TNS1: variants seen among roughly 807,000 people sequenced by gnomAD.
TNS1 encodes tensin 1.
A neutral mutation model predicts 168.6 loss-of-function variants in TNS1; 62 were observed. That is an observed-to-expected ratio of 0.37 (90% CI 0.30 to 0.45). TNS1 has a LOEUF of 0.45. Ranked by LOEUF, TNS1 falls within the 20% of genes least tolerant of loss-of-function variation. The pLI is 1.00. For synonymous variants in TNS1, 934 were observed against 933.2 expected, an observed-to-expected ratio of 1.00 and a Z score of -0.02; for missense variants, 2,240 against 2,339.4, an observed-to-expected ratio of 0.96 and a Z score of 0.88.
intron 1 of TNS1, among the ~76,000 whole-genome samples, chr2:218,029,607 T>C (rs887478385): frequency 3.3e-5 from 5 of 152,228 alleles, no homozygotes; most frequent in Admixed American, 3.3e-4. Flanking sequence ...CACCCAGGAA[T>C]ATAGATAAAG....
chr2:217,846,876 G>A (rs748341058), intron 19 of TNS1, among the ~76,000 whole-genome samples: 1 of 152,218 alleles, frequency 6.6e-6, no homozygotes, highest in South Asian at 2.1e-4. Flanking sequence ...AAGACTAACA[G>A]GAAAACTGAC....
chr2:217,813,855 ACCT>A lies in TNS1; in HGVS notation c.4730-42_4730-40del. On this transcript the variant is annotated intron_variant, in intron 25 of 32. Coordinates refer to ENST00000682258, the MANE Select transcript of TNS1 (RefSeq NM_001387777.1). This position sits in a 1 kb window ranked among gnomAD's most constrained non-coding sequence, Gnocchi z 4.0. ...GGACAAGGAGAGAGGAGGAAGCAAG[ACCT>A]CGGTGGCGCTAGTTTTACTTAAGTC... 6.5e-7 allele frequency: 1 copy of A among 1,542,198 alleles called. No homozygotes were observed. Among genetic ancestry groups the A allele is most frequent in the South Asian group, 1.2e-5 (1 of 82,322 alleles).
At chr2:217,808,517 A>G (rs1013647446) in intron 31 of TNS1, 86 bp downstream of exon 31, 16 of 1,276,668 alleles carry the variant, frequency 1.3e-5, no homozygotes, top group African/African-American at 5.9e-5. Flanking sequence ...GCACACACAC[A>G]CACACACACA....
chr2:217,809,399 G>A (rs1419568548), intron 30 of TNS1, among the ~76,000 whole-genome samples: 159 of 134,194 alleles, frequency 1.2e-3, no homozygotes, highest in Non-Finnish European at 1.5e-3. Flanking sequence ...ATGGATGGAT[G>A]GATGGATGGA....
intron 3 of TNS1, among the ~76,000 whole-genome samples, chr2:217,976,503 A>G (rs1040500999): frequency 6.6e-6 from 1 of 152,212 alleles, no homozygotes; most frequent in Non-Finnish European, 1.5e-5. Flanking sequence ...AAACTCCTAT[A>G]CAAAGCCCAT....
chr2:217,981,507 G>A (rs1451072272), intron 2 of TNS1, among the ~76,000 whole-genome samples: 1 of 152,224 alleles, frequency 6.6e-6, no homozygotes, highest in Non-Finnish European at 1.5e-5. Context: ...ACACTGGAAT[G>A]CAGAAAGCTT....
At chr2:217,966,341 A>G (rs1957641027) in intron 3 of TNS1, among the ~76,000 whole-genome samples, 1 of 151,820 alleles carries the variant, frequency 6.6e-6, no homozygotes, top group Non-Finnish European at 1.5e-5. Context: ...AGACAGCAAG[A>G]GAGAGAGAGA....
At chr2:217,873,504 A>G (rs1411169211) in intron 18 of TNS1, among the ~76,000 whole-genome samples, 2 of 152,154 alleles carry the variant, frequency 1.3e-5, no homozygotes, top group Non-Finnish European at 2.9e-5. Context: ...GGCCACCTCA[A>G]CCCGGGTCTT....
chr2:217,857,582 A>G (rs900630153), intron 18 of TNS1, among the ~76,000 whole-genome samples: 1 of 152,200 alleles, frequency 6.6e-6, no homozygotes, highest in Non-Finnish European at 1.5e-5. Context: ...TGTCCCAGGT[A>G]TCTTCTTACT....
chr2:217,953,105 G>A (rs906262563), intron 3 of TNS1, among the ~76,000 whole-genome samples: 10 of 152,218 alleles, frequency 6.6e-5, no homozygotes, highest in East Asian at 1.9e-4. Context: ...GGAGCCTCAC[G>A]TCTGTTCCTA....
At chr2:217,861,813 A>G (rs1948808024) in intron 18 of TNS1, among the ~76,000 whole-genome samples, 1 of 152,260 alleles carries the variant, frequency 6.6e-6, no homozygotes, top group Non-Finnish European at 1.5e-5. Context: ...CGAGTAGTGC[A>G]GCGTGGGCTT....
intron 3 of TNS1, among the ~76,000 whole-genome samples, chr2:217,938,434 T>C (rs1177773428): frequency 3.9e-5 from 6 of 152,226 alleles, no homozygotes; most frequent in Non-Finnish European, 8.8e-5. Flanking sequence ...TCTCAGCTTA[T>C]ATGGCATGCA....
chr2:217,926,698 A>G (rs1956045047), intron 3 of TNS1, among the ~76,000 whole-genome samples: 1 of 152,246 alleles, frequency 6.6e-6, no homozygotes, highest in Admixed American at 6.5e-5. Flanking sequence ...CTGCATGTCA[A>G]GCACTGTTCT....
intron 19 of TNS1, among the ~76,000 whole-genome samples, chr2:217,844,690 C>T (rs1946410323): frequency 6.6e-6 from 1 of 152,212 alleles, no homozygotes; most frequent in Admixed American, 6.5e-5. Flanking sequence ...GAGCTTTCTC[C>T]TTATCTCTCT....
At chr2:217,815,751 G>C (rs1941793998) in intron 24 of TNS1, among the ~76,000 whole-genome samples, 1 of 152,142 alleles carries the variant, frequency 6.6e-6, no homozygotes, top group African/African-American at 2.4e-5. Context: ...CACAGGTTCA[G>C]TTTCTCAACT....
intron 2 of TNS1, among the ~76,000 whole-genome samples, chr2:217,983,521 C>T (rs1367702232): frequency 6.6e-6 from 1 of 152,172 alleles, no homozygotes; most frequent in Non-Finnish European, 1.5e-5. Context: ...AAGAACTGCA[C>T]CCCCAGCCCT....
intron 3 of TNS1, among the ~76,000 whole-genome samples, chr2:217,930,163 C>T (rs919375798): frequency 6.6e-6 from 1 of 152,234 alleles, no homozygotes; most frequent in African/African-American, 2.4e-5. Context: ...CAATACGGCG[C>T]ACTCTGAGCT....
intron 8 of TNS1, among the ~76,000 whole-genome samples, chr2:217,896,591 C>G (rs1952331323): frequency 6.6e-6 from 1 of 152,176 alleles, no homozygotes; most frequent in Non-Finnish European, 1.5e-5. Context: ...CCCGTCAACA[C>G]CTTGATTTCA....
Position 217,813,709 on chromosome 2 carries a change from T to C in TNS1, c.4837A>G (p.Thr1613Ala), listed in dbSNP as rs762969076. The C allele has an allele frequency of 1.9e-5, 31 of 1,612,844 alleles. No individual in the cohort carries two copies. The South Asian group carries it at 3.2e-4, about 17-fold the overall frequency. Residue 1613 changes from threonine (T) to alanine (A), a missense_variant, in exon 26 of 33, where the codon ACC becomes GCC. Thr to Ala is a moderately conservative substitution (Grantham distance 58, BLOSUM62 0). This residue lies in a region of TNS1 where 2,131 missense variants were observed against 2,171.2 expected (regional missense o/e 0.98). Coordinates refer to ENST00000682258, the MANE Select transcript of TNS1 (RefSeq NM_001387777.1). This position sits in a 1 kb window ranked among gnomAD's most constrained non-coding sequence, Gnocchi z 4.0. The stretch of plus-strand genomic sequence containing the variant: ...CCTTTTTTATTCTGCTGCATGATGG[T>C]TGGAGGTGGCGAAGACACCTTCATG... ...LAMKVSSPPP[T>A]IMQQNKKGDM...
Sources: allele counts gnomAD v4.1 joint callset (sites outside exome capture counted in the v4.1 genomes callset), GRCh38; gene constraint gnomAD v4.1.1; regional missense constraint gnomAD v4.1.1; non-coding constraint Gnocchi (gnomAD v3.1); transcripts MANE v1.5; gene names NCBI Gene and HGNC (gene_info 2026-07-23, HGNC 2026-07-21).